GPN3: variants seen among roughly 807,000 people sequenced by gnomAD.
The protein encoded by GPN3 is ATP-binding domain 1 family member C.
Under a neutral mutation model 38.7 loss-of-function variants are expected in GPN3, and 31 were observed. The ratio of observed to expected loss-of-function variants is 0.80; its 90% CI spans 0.60 to 1.08. The LOEUF is 1.08. Ranked by LOEUF, GPN3 falls within the 50% of genes least tolerant of loss-of-function variation. GPN3 has a pLI of 0.00. For missense variants in GPN3, 301 were observed against 354.4 expected (o/e 0.85, Z 1.21); for synonymous variants, 116 against 120.2 (o/e 0.96, Z 0.23).
At position 110,458,013 on chromosome 12, in the gene GPN3, T is replaced by C. The variant is rs2062562428; in HGVS notation, c.326-379A>G. On this transcript the variant is annotated intron_variant, in intron 3 of 7. Transcript: ENST00000228827. This position sits in a 1 kb window ranked among gnomAD's most constrained non-coding sequence, Gnocchi z 4.4. ...GGCGTGGTGGTGCGCGCCTGTGGGA[T>C]GCTGAGGCACAAGAATTGCTTAAAC... 6.6e-6 allele frequency among the ~76,000 whole-genome samples: 1 copy of C among 151,726 alleles called. No individual in the cohort carries two copies.
In GPN3 at chr12:110,452,847, ATTCCACTTTAAACAGCAG is replaced by A; in HGVS notation, c.*169_*186del. Reference sequence around the variant, plus strand: ...AGTGATGCTGTTATAATACTAAAAGATTCCACTTTAAACAGCAGCAGTTTCAGAATAATTAAAAATTTG... The same window carrying A: ...AGTGATGCTGTTATAATACTAAAAGACAGTTTCAGAATAATTAAAAATTTG... On this transcript the variant is annotated 3_prime_UTR_variant, in exon 8 of 8. Transcript: ENST00000228827. 3 of 564,406 alleles carry A rather than the reference ATTCCACTTTAAACAGCAG, an allele frequency of 5.3e-6. No individual in the cohort carries two copies. In the South Asian group the frequency reaches 6.0e-5, roughly 11 times the overall value. The allele number at this position is 564,406 out of a possible 1,614,324, so 35.0% of individuals were successfully genotyped here. A position where few individuals can be genotyped will look rare whatever the true frequency, so the allele number is the denominator to read the frequency against.
chr12:110,462,669 C>A (rs193131929), intron 2 of GPN3, among the ~76,000 whole-genome samples: 16 of 152,080 alleles, frequency 1.1e-4, no homozygotes, highest in African/African-American at 3.6e-4. Flanking sequence ...CTCACCAGAA[C>A]CTCTGCCTCC....
chr12:110,457,739 C>T, intron 3 of GPN3, 105 bp from the exon 4 acceptor site: 1 of 780,574 alleles, frequency 1.3e-6, no homozygotes, highest in Non-Finnish European at 2.0e-6. Flanking sequence ...TAAAAGCCAA[C>T]ACATTTTTAA....
At chr12:110,464,797 G>A (rs1408479950) in intron 2 of GPN3, 1 of 296,772 alleles carries the variant, frequency 3.4e-6, no homozygotes, top group East Asian at 7.4e-5. Flanking sequence ...GTTTCACCAT[G>A]TTGGTCAGGC....
chr12:110,465,199 T>C lies in GPN3; in HGVS notation c.64A>G (p.Thr22Ala), dbSNP rs199875960. 19 of 1,602,818 alleles carry C rather than the reference T, an allele frequency of 1.2e-5. No homozygotes were observed. In the Middle Eastern group the frequency reaches 8.3e-4, roughly 70 times the overall value. Residue 22 changes from threonine (T) to alanine (A), a missense_variant, in exon 2 of 8, where the codon ACC becomes GCC. Transcript: ENST00000228827. ...AGGGCTTCACAGTGCTGGACCATGG[T>C]GGCACAGTAGGTGCTCTGTAATGTC... is the stretch of plus-strand genomic sequence containing the variant. ...AGSGKSTYCATMVQHCEALNR... is the reference protein window; with the variant it reads ...AGSGKSTYCAAMVQHCEALNR...
intron 1 of GPN3, among the ~76,000 whole-genome samples, chr12:110,465,511 A>AG (rs2062621216): frequency 1.3e-5 from 2 of 152,224 alleles, no homozygotes; most frequent in South Asian, 4.1e-4. Flanking sequence ...CGGTATTTAA[A>AG]GGGAAGAGTT....
chr12:110,454,378 CTTTTTTTTTCT>C (rs2062535080), intron 6 of GPN3, among the ~76,000 whole-genome samples: 2 of 147,154 alleles, frequency 1.4e-5, no homozygotes, highest in Non-Finnish European at 1.5e-5. Context: ...AAAACTTCAT[CTTTTTTTTTCT>C]TTTTTTTTTT....
At chr12:110,468,518 G>T, upstream of GPN3, 1 of 1,537,280 alleles carries the variant, frequency 6.5e-7, no homozygotes, top group Non-Finnish European at 8.7e-7. Flanking sequence ...CTTGCGCCAC[G>T]TGCTTCGGTC....
upstream of GPN3, chr12:110,468,683 C>T: frequency 6.5e-7 from 1 of 1,530,354 alleles, no homozygotes; most frequent in Non-Finnish European, 8.8e-7. Context: ...GAGGTGCAAA[C>T]GTGCAAACGC....
intron 4 of GPN3, 49 bp downstream of exon 4, chr12:110,457,455 CACAAAA>C: frequency 1.7e-6 from 2 of 1,163,558 alleles, no homozygotes; most frequent in South Asian, 1.5e-5. Context: ...CTGTCACACA[CACAAAA>C]AAAAAAAAAA....
chr12:110,468,319 C>T, upstream of GPN3: 17 of 1,576,148 alleles, frequency 1.1e-5, no homozygotes, highest in Non-Finnish European at 1.3e-5. Context: ...GCCTCCAGTT[C>T]TACCACACCT....
chr12:110,465,999 C>T (rs1408286479), intron 1 of GPN3, among the ~76,000 whole-genome samples: 2 of 151,942 alleles, frequency 1.3e-5, no homozygotes, highest in Non-Finnish European at 2.9e-5. Context: ...ATCGCTTGAA[C>T]CCGGGAGGCA....
intron 6 of GPN3, 147 bp downstream of exon 6, chr12:110,455,439 A>AT: frequency 1.7e-6 from 1 of 573,662 alleles, no homozygotes; most frequent in Non-Finnish European, 3.1e-6. Flanking sequence ...AATTTAAAAA[A>AT]TTTTTTTAGA....
upstream of GPN3, chr12:110,468,507 C>T: frequency 6.5e-7 from 1 of 1,537,286 alleles, no homozygotes; most frequent in Non-Finnish European, 8.7e-7. Flanking sequence ...AGCTCCGCAT[C>T]CTTGCGCCAC....
At chr12:110,464,887 C>A in intron 2 of GPN3, 1 of 527,536 alleles carries the variant, frequency 1.9e-6, no homozygotes, top group Non-Finnish European at 3.4e-6. Context: ...GCCTCCGCGC[C>A]CGGCCCCATT....
In GPN3 at chr12:110,457,524, C is replaced by T. The variant is rs1478295216; in HGVS notation, c.436G>A (p.Val146Met). 1 of 1,598,302 alleles carries T rather than the reference C, an allele frequency of 6.3e-7. No individual in the cohort carries two copies. The highest frequency in any genetic ancestry group is 8.5e-7 in the Non-Finnish European group (1 of 1,170,046). The change falls in exon 4 of 8, where the codon GTG (valine) becomes ATG (methionine). Residue 146 changes from valine to methionine, a missense_variant. Coordinates refer to ENST00000228827, the MANE Select transcript of GPN3 (RefSeq NM_016301.4). ...GVFLVDSQFM[V>M]ESFKFISGIL... ...TAGCTTCAGACCTTGAATGACTCCA[C>T]CATGAACTGAGAATCAACAAGAAAA...
At chr12:110,467,539 C>T (rs2062642000) in intron 1 of GPN3, among the ~76,000 whole-genome samples, 1 of 152,066 alleles carries the variant, frequency 6.6e-6, no homozygotes, top group Non-Finnish European at 1.5e-5. Flanking sequence ...CTGAAAAGAC[C>T]TGGGGATTAA....
intron 3 of GPN3, among the ~76,000 whole-genome samples, chr12:110,457,967 A>G (rs372984585): frequency 1.7e-4 from 26 of 152,024 alleles, no homozygotes; most frequent in African/African-American, 6.0e-4. Context: ...ATCTCTACTA[A>G]AAATACACAA....
rs1035267161 is a variant in GPN3 at position 110,458,947 on chromosome 12, C to G, written c.325+748G>C. Reference sequence around the variant, plus strand: ...CTTAAAACAGCTTTGTTCCTTCCTCCTGGGAGGTGTTCAGCAGGCTGTGCC... The same window carrying G: ...CTTAAAACAGCTTTGTTCCTTCCTCGTGGGAGGTGTTCAGCAGGCTGTGCC... On this transcript the variant is annotated intron_variant, in intron 3 of 7. Coordinates refer to ENST00000228827, the MANE Select transcript of GPN3 (RefSeq NM_016301.4). This position sits in a 1 kb window ranked among gnomAD's most constrained non-coding sequence, Gnocchi z 4.4. Among the ~76,000 whole-genome samples, 4 of 152,158 alleles carry G rather than the reference C, an allele frequency of 2.6e-5. No individual in the cohort carries two copies. Among genetic ancestry groups the G allele is most frequent in the Non-Finnish European group, 4.4e-5 (3 of 68,020 alleles).
Sources: gnomAD v4.1 joint callset for allele counts (sites outside exome capture counted in the v4.1 genomes callset) on GRCh38, gnomAD v4.1.1 for gene constraint, Gnocchi (gnomAD v3.1) non-coding constraint, MANE v1.5 for transcripts, NCBI Gene and HGNC (gene_info 2026-07-23, HGNC 2026-07-21) for gene names.